Variants in ATRNL1 observed in about 807,000 individuals in gnomAD.
ATRNL1 encodes the protein attractin-like protein 1.
Under a neutral mutation model 182.7 loss-of-function variants are expected in ATRNL1, and 95 were observed. The observed-to-expected ratio is 0.52, with a 90% CI of 0.44 to 0.62. The LOEUF is 0.62. ATRNL1 is among the 20% of genes least tolerant of loss of function. The pLI, the probability that ATRNL1 is intolerant of heterozygous loss-of-function variation, is 0.00. For synonymous variants in ATRNL1, 576 were observed against 568.3 expected (o/e 1.01, Z -0.19); for missense variants, 1,471 against 1,679.5 (o/e 0.88, Z 2.17).
chr10:115,225,019 A>G (rs1788389813), intron 9 of ATRNL1, among the ~76,000 whole-genome samples: 1 of 152,150 alleles, frequency 6.6e-6, no homozygotes, highest in Non-Finnish European at 1.5e-5. Context: ...TTATGTTGAG[A>G]TTTATGAGGC....
intron 23 of ATRNL1, among the ~76,000 whole-genome samples, chr10:115,467,929 G>A (rs782577907): frequency 1.5e-4 from 23 of 150,492 alleles, no homozygotes; most frequent in Non-Finnish European, 3.3e-4. Context: ...TTGCATAAAT[G>A]TGCTGGAAAT....
intron 10 of ATRNL1, among the ~76,000 whole-genome samples, chr10:115,252,220 G>A (rs1043831418): frequency 6.6e-6 from 1 of 152,050 alleles, no homozygotes; most frequent in Admixed American, 6.6e-5. Context: ...TAGAGACGGG[G>A]GTTTCACTAT....
intron 27 of ATRNL1, among the ~76,000 whole-genome samples, chr10:115,836,731 A>G (rs1407542183): frequency 3.3e-5 from 5 of 152,190 alleles, no homozygotes; most frequent in Admixed American, 6.5e-5. Flanking sequence ...CAAAGGCCCT[A>G]TTTCCAAAAG....
chr10:115,505,212 G>C (rs1415281957), intron 24 of ATRNL1, among the ~76,000 whole-genome samples: 6 of 152,044 alleles, frequency 3.9e-5, no homozygotes, highest in African/African-American at 1.2e-4. Context: ...CTGGATCTTT[G>C]AGCTCTGGGC....
At chr10:115,757,647 T>C (rs1948625550) in intron 27 of ATRNL1, among the ~76,000 whole-genome samples, 1 of 152,154 alleles carries the variant, frequency 6.6e-6, no homozygotes, top group Non-Finnish European at 1.5e-5. Context: ...TTTGGGTTGC[T>C]CTTCTCAAGG....
intron 18 of ATRNL1, among the ~76,000 whole-genome samples, chr10:115,317,359 C>T (rs1184259722): frequency 2.0e-5 from 3 of 152,154 alleles, no homozygotes; most frequent in East Asian, 1.9e-4. Flanking sequence ...TGCTTAGGAT[C>T]GTCTTGGCTA....
chr10:115,496,268 G>T (rs1286234060), intron 24 of ATRNL1, among the ~76,000 whole-genome samples: 3 of 152,048 alleles, frequency 2.0e-5, no homozygotes, highest in African/African-American at 7.2e-5. Context: ...TGTTTGTGCA[G>T]TTTCTTTATA....
chr10:115,148,139 G>C (rs1846052797), intron 5 of ATRNL1, among the ~76,000 whole-genome samples: 1 of 151,964 alleles, frequency 6.6e-6, no homozygotes, highest in African/African-American at 2.4e-5. Context: ...TCTGTGTTTT[G>C]TAGTTTTCCT....
intron 8 of ATRNL1, 87 bp downstream of exon 8, chr10:115,171,379 G>A (rs782238617): frequency 8.0e-7 from 1 of 1,247,826 alleles, no homozygotes. Context: ...AGTCAAAATG[G>A]TGAGTTATTT....
intron 26 of ATRNL1, among the ~76,000 whole-genome samples, chr10:115,699,191 GAATCT>G (rs1264861418): frequency 6.6e-6 from 1 of 152,022 alleles, no homozygotes; most frequent in African/African-American, 2.4e-5. Flanking sequence ...CAATTCTACT[GAATCT>G]AAGAAGATTC....
intron 28 of ATRNL1, among the ~76,000 whole-genome samples, chr10:115,869,284 G>A (rs1555105498): frequency 1.3e-5 from 2 of 152,134 alleles, no homozygotes; most frequent in Admixed American, 6.5e-5. Context: ...AGAATTTAAG[G>A]CCTCATAGTG....
intron 26 of ATRNL1, among the ~76,000 whole-genome samples, chr10:115,560,150 A>G (rs186537794): frequency 2.6e-5 from 4 of 152,310 alleles, no homozygotes; most frequent in Admixed American, 2.0e-4. Context: ...CAATAAGAAT[A>G]AAATACACAG....
At position 115,281,416 on chromosome 10, in the gene ATRNL1, G is replaced by A. The variant is rs963305579; in HGVS notation, c.2162G>A (p.Ser721Asn). ...RNEQICNKLT[S>N]CKSCSLNLNC... ...GAGCAGATTTGTAACAAACTTACCA[G>A]CTGTAAAAGCTGTTCACTAAACTTG... The change falls in exon 14 of 29, where the codon AGC becomes AAC. Residue 721 changes from serine to asparagine, a missense_variant. Around this residue, in one of 3 missense-constraint regions of ATRNL1, gnomAD observed 1,031 missense variants for 1,156.0 expected, o/e 0.89. Transcript: ENST00000355044. 19 of 1,613,600 alleles carry A rather than the reference G, an allele frequency of 1.2e-5. No individual in the cohort carries two copies. The highest frequency in any genetic ancestry group is 1.6e-5 in the Non-Finnish European group (19 of 1,179,700).
intron 5 of ATRNL1, among the ~76,000 whole-genome samples, chr10:115,154,855 A>G (rs1262093690): frequency 6.6e-6 from 1 of 152,148 alleles, no homozygotes; most frequent in East Asian, 1.9e-4. Context: ...GGAGCCCAAG[A>G]CAGGCACTCT....
chr10:115,783,234 AC>A lies in ATRNL1; in HGVS notation c.3903+55880del, dbSNP rs1555079676. ...TATTTGTCTATATGATGCCACACAC[AC>A]ACACACACACACACACACACATTTA... On this transcript the variant is annotated intron_variant, in intron 27 of 28. Coordinates refer to ENST00000355044, the MANE Select transcript of ATRNL1 (RefSeq NM_207303.4). Among the ~76,000 whole-genome samples, 6 of 149,026 alleles carry A rather than the reference AC, an allele frequency of 4.0e-5. No individual in the cohort carries two copies. In the East Asian group the frequency reaches 9.9e-4, roughly 25 times the overall value.
intron 7 of ATRNL1, among the ~76,000 whole-genome samples, chr10:115,167,765 AT>A (rs1455010461): frequency 6.6e-6 from 1 of 151,890 alleles, no homozygotes; most frequent in East Asian, 1.9e-4. Context: ...GCCTTGTTTT[AT>A]TTTTTCTTTA....
chr10:115,549,907 T>C (rs11197292), intron 26 of ATRNL1, among the ~76,000 whole-genome samples: 89,730 of 151,710 alleles, frequency 0.59, 28,383 homozygotes, highest in Non-Finnish European at 0.73. Flanking sequence ...GTGATAAATA[T>C]TTATTTTTGG....
chr10:115,829,879 CTT>C (rs1950521111), intron 27 of ATRNL1, among the ~76,000 whole-genome samples: 1 of 152,166 alleles, frequency 6.6e-6, no homozygotes, highest in South Asian at 2.1e-4. Context: ...TAGCCCCACT[CTT>C]TAGGGATTTT....
chr10:115,737,168 G>A (rs913080240), intron 27 of ATRNL1, among the ~76,000 whole-genome samples: 1 of 151,470 alleles, frequency 6.6e-6, no homozygotes, highest in Non-Finnish European at 1.5e-5. Context: ...GCTCATGCTT[G>A]TAATCACAGC....
Sources: gnomAD v4.1 joint callset for allele counts (sites outside exome capture counted in the v4.1 genomes callset) on GRCh38, gnomAD v4.1.1 for gene constraint, gnomAD v4.1.1 regional missense constraint, MANE v1.5 for transcripts, NCBI Gene and HGNC (gene_info 2026-07-23, HGNC 2026-07-21) for gene names.